The following ADGRL2 variants were observed in gnomAD, a reference collection of about 807,000 sequenced individuals.
ADGRL2 encodes the protein calcium-independent alpha-latrotoxin receptor 2.
ADGRL2 carries 44 observed loss-of-function variants against 157.4 expected under a neutral mutation model. The ratio of observed to expected loss-of-function variants is 0.28; its 90% CI spans 0.22 to 0.36. The LOEUF (loss-of-function observed/expected upper bound fraction) is 0.36, where lower values mean the gene tolerates loss of function less well. Ranked by LOEUF, ADGRL2 falls within the 10% of genes least tolerant of loss-of-function variation. ADGRL2 has a pLI of 1.00. For synonymous variants in ADGRL2, 585 were observed against 624.7 expected, an observed-to-expected ratio of 0.94 and a Z score of 0.95; for missense variants, 1,510 against 1,768.9, an observed-to-expected ratio of 0.85 and a Z score of 2.63.
At chr1:81,642,753 G>A (rs1010821175) in intron 3 of ADGRL2, among the ~76,000 whole-genome samples, 1 of 152,006 alleles carries the variant, frequency 6.6e-6, no homozygotes, top group Non-Finnish European at 1.5e-5. Context: ...TTTATTCCAG[G>A]TATGCAAAAC....
intron 2 of ADGRL2, among the ~76,000 whole-genome samples, chr1:81,500,094 A>G (rs1393934978): frequency 2.0e-5 from 3 of 152,224 alleles, no homozygotes; most frequent in African/African-American, 4.8e-5. Flanking sequence ...TAAAGTATTT[A>G]TGAAACAAAA....
chr1:81,430,598 T>A (rs2077302083), intron 1 of ADGRL2, among the ~76,000 whole-genome samples: 1 of 152,204 alleles, frequency 6.6e-6, no homozygotes, highest in Admixed American at 6.5e-5. Context: ...TGAGATGATG[T>A]CTTTCCCCTC....
chr1:81,700,177 T>C (rs2083532230), intron 1 of ADGRL2, among the ~76,000 whole-genome samples: 1 of 152,338 alleles, frequency 6.6e-6, no homozygotes, highest in South Asian at 2.1e-4. Context: ...AAGAGAATCA[T>C]AACGATATCT....
intron 2 of ADGRL2, among the ~76,000 whole-genome samples, chr1:81,562,319 T>C (rs1169313077): frequency 1.3e-5 from 2 of 152,124 alleles, no homozygotes; most frequent in African/African-American, 4.8e-5. Flanking sequence ...TTTTGTTCCA[T>C]ATGTAAACTG....
chr1:81,694,300 G>A (rs1202844791), intron 3 of ADGRL2, among the ~76,000 whole-genome samples: 1 of 152,072 alleles, frequency 6.6e-6, no homozygotes, highest in Non-Finnish European at 1.5e-5. Flanking sequence ...TCAATTATTT[G>A]CTAGCAGTGT....
chr1:81,598,249 A>G (rs1324373), intron 3 of ADGRL2, among the ~76,000 whole-genome samples: 81,415 of 152,060 alleles, frequency 0.54, 22,082 homozygotes, highest in East Asian at 0.68. Flanking sequence ...AACCAGAGTT[A>G]CACAGCTAAT....
At chr1:81,412,634 G>C in intron 1 of ADGRL2, among the ~76,000 whole-genome samples, 1 of 152,128 alleles carries the variant, frequency 6.6e-6, no homozygotes, top group East Asian at 1.9e-4. Flanking sequence ...AATATTACTT[G>C]TTATGTAGCA....
intron 2 of ADGRL2, among the ~76,000 whole-genome samples, chr1:81,882,384 T>C (rs1021096574): frequency 7.2e-5 from 11 of 152,178 alleles, no homozygotes; most frequent in African/African-American, 2.4e-4. Context: ...TAATTTTATC[T>C]TAAAAACTAG....
chr1:81,365,127 T>G (rs887653602), intron 1 of ADGRL2, among the ~76,000 whole-genome samples: 2 of 152,156 alleles, frequency 1.3e-5, no homozygotes, highest in Non-Finnish European at 2.9e-5. Flanking sequence ...CTAACTAGGC[T>G]TCCTGTCAGG....
At chr1:81,770,407 C>T (rs914858361) in intron 2 of ADGRL2, among the ~76,000 whole-genome samples, 5 of 151,470 alleles carry the variant, frequency 3.3e-5, no homozygotes, top group South Asian at 2.1e-4. Context: ...GTAATTCGCC[C>T]GCCTTGGCCT....
chr1:81,374,584 A>AAAAAAAAAAAAAAAAAAAAAAAG (rs1288608474), intron 1 of ADGRL2, among the ~76,000 whole-genome samples: 1 of 151,610 alleles, frequency 6.6e-6, no homozygotes, highest in African/African-American at 2.4e-5. Context: ...AAAAGAAAAA[A>AAAAAAAAAAAAAAAAAAAAAAAG]AAAACAAGTT....
chr1:81,460,063 T>C (rs1363002224), intron 2 of ADGRL2, among the ~76,000 whole-genome samples: 11 of 151,946 alleles, frequency 7.2e-5, no homozygotes, highest in Non-Finnish European at 1.0e-4. Flanking sequence ...TGATATCTCA[T>C]TGTGGTTTTG....
chr1:81,870,551 C>T (rs1360105661), intron 2 of ADGRL2, among the ~76,000 whole-genome samples: 1 of 151,964 alleles, frequency 6.6e-6, no homozygotes, highest in African/African-American at 2.4e-5. Context: ...CTAATTCTGA[C>T]ATAGTTGAAA....
intron 1 of ADGRL2, among the ~76,000 whole-genome samples, chr1:81,345,556 T>C (rs755213522): frequency 5.3e-5 from 8 of 152,172 alleles, no homozygotes; most frequent in Non-Finnish European, 1.0e-4. Flanking sequence ...AAATTATCCA[T>C]TAATATTAAA....
chr1:81,667,948 C>G (rs2082786005), intron 3 of ADGRL2, among the ~76,000 whole-genome samples: 1 of 152,126 alleles, frequency 6.6e-6, no homozygotes, highest in African/African-American at 2.4e-5. Context: ...ATGTCTAACT[C>G]TCTCAGTGAA....
rs541743487 is a variant in ADGRL2, at chr1:81,868,183, C to T, written c.73+31126C>T. Reference sequence around the variant, plus strand: ...GTGCTAGGCATTGCAGTAGGCAGTGCTAATACTGTTGAAACAAAACTACTC... The same window carrying T: ...GTGCTAGGCATTGCAGTAGGCAGTGTTAATACTGTTGAAACAAAACTACTC... On this transcript the variant is annotated intron_variant, in intron 2 of 23. Coordinates refer to ENST00000686636, the MANE Select transcript of ADGRL2 (RefSeq NM_001366006.2). 2.6e-5 allele frequency among the ~76,000 whole-genome samples: 4 copies of T among 151,884 alleles called. No homozygotes were observed. In the East Asian group the frequency reaches 7.8e-4, roughly 29 times the overall value.
At chr1:81,930,535 A>G (rs1307467560) in intron 3 of ADGRL2, among the ~76,000 whole-genome samples, 3 of 152,154 alleles carry the variant, frequency 2.0e-5, no homozygotes, top group East Asian at 1.9e-4. Context: ...CCTTCTTGCC[A>G]TTTGCAAATT....
At chr1:81,929,856 T>A (rs1192662854) in intron 3 of ADGRL2, among the ~76,000 whole-genome samples, 2 of 152,332 alleles carry the variant, frequency 1.3e-5, no homozygotes, top group Non-Finnish European at 2.9e-5. Flanking sequence ...TATTTCTTGA[T>A]GTTTGTTATC....
intron 2 of ADGRL2, among the ~76,000 whole-genome samples, chr1:81,527,469 T>C (rs1397751153): frequency 6.6e-6 from 1 of 152,158 alleles, no homozygotes; most frequent in Admixed American, 6.5e-5. Flanking sequence ...CTCAGCACTT[T>C]GGGAGACCAA....
Sources: allele counts gnomAD v4.1 joint callset (sites outside exome capture counted in the v4.1 genomes callset), GRCh38; gene constraint gnomAD v4.1.1; transcripts MANE v1.5; gene names NCBI Gene and HGNC (gene_info 2026-07-23, HGNC 2026-07-21).